CREBBP: variants seen among roughly 807,000 people sequenced by gnomAD.
The protein encoded by CREBBP is CREB-binding protein.
CREBBP carries 19 observed loss-of-function variants against 265.0 expected under a neutral mutation model. That is an observed-to-expected ratio of 0.07 (90% CI 0.05 to 0.11). The LOEUF (loss-of-function observed/expected upper bound fraction) is 0.11. Ranked by LOEUF, CREBBP falls within the 10% of genes least tolerant of loss-of-function variation. The pLI is 1.00. For missense variants in CREBBP, 2,525 were observed against 3,219.0 expected (o/e 0.78, Z 5.22); for synonymous variants, 1,457 against 1,223.7 (o/e 1.19, Z -3.98).
chr16:3,816,649 G>T (rs933991219), intron 2 of CREBBP, among the ~76,000 whole-genome samples: 8 of 152,180 alleles, frequency 5.3e-5, no homozygotes, highest in Admixed American at 4.6e-4. Context: ...ATCTACTCCA[G>T]CAGACATGGG....
At chr16:3,809,791 T>C (rs1268235884) in intron 3 of CREBBP, among the ~76,000 whole-genome samples, 2 of 152,110 alleles carry the variant, frequency 1.3e-5, no homozygotes, top group Non-Finnish European at 2.9e-5. Flanking sequence ...AAAGCAACTT[T>C]TTCTGAACAT....
intron 1 of CREBBP, among the ~76,000 whole-genome samples, chr16:3,855,508 G>A (rs902725466): frequency 2.6e-5 from 4 of 152,218 alleles, no homozygotes; most frequent in African/African-American, 9.6e-5. Context: ...CAGGTGATCC[G>A]CCCGCCTAAG....
chr16:3,747,779 G>A (rs1050845723), intron 21 of CREBBP, among the ~76,000 whole-genome samples: 13 of 152,052 alleles, frequency 8.5e-5, no homozygotes, highest in Non-Finnish European at 1.9e-4. Context: ...TGGTCAAGAT[G>A]GTGAAACCTC....
chr16:3,860,652 A>G (rs2055053982), intron 1 of CREBBP, among the ~76,000 whole-genome samples: 1 of 152,184 alleles, frequency 6.6e-6, no homozygotes, highest in South Asian at 2.1e-4. Flanking sequence ...TACAATTTTT[A>G]TTTGTTAATT....
At chr16:3,813,638 G>C (rs1327771895) in intron 2 of CREBBP, among the ~76,000 whole-genome samples, 3 of 152,008 alleles carry the variant, frequency 2.0e-5, no homozygotes, top group Non-Finnish European at 2.9e-5. Context: ...TCTGACTTCG[G>C]ACAAAATATG....
intron 2 of CREBBP, among the ~76,000 whole-genome samples, chr16:3,844,602 A>G (rs1443645627): frequency 1.3e-5 from 2 of 152,230 alleles, no homozygotes; most frequent in South Asian, 2.1e-4. Context: ...GTAGGATACG[A>G]GACAGGGATG....
intron 13 of CREBBP, among the ~76,000 whole-genome samples, chr16:3,771,595 G>A (rs2053010152): frequency 6.6e-6 from 1 of 151,870 alleles, no homozygotes; most frequent in Non-Finnish European, 1.5e-5. Context: ...CCCAGTCTTG[G>A]AACGCCTGAA....
intron 2 of CREBBP, among the ~76,000 whole-genome samples, chr16:3,833,016 T>C (rs1298871177): frequency 6.6e-6 from 1 of 152,226 alleles, no homozygotes. Flanking sequence ...TAATGAATGA[T>C]ACCTAAAGCC....
intron 1 of CREBBP, among the ~76,000 whole-genome samples, chr16:3,871,051 G>GAA (rs1032177504): frequency 7.4e-6 from 1 of 135,976 alleles, no homozygotes; most frequent in African/African-American, 2.8e-5. Context: ...AAGAAAGAAA[G>GAA]AGAAAAAAAG....
chr16:3,852,770 A>G (rs2054879212), intron 1 of CREBBP, among the ~76,000 whole-genome samples: 1 of 152,178 alleles, frequency 6.6e-6, no homozygotes, highest in Non-Finnish European at 1.5e-5. Context: ...CTTTCCTGAT[A>G]AGGAAACAAA....
chr16:3,760,102 T>A (rs950678192), intron 16 of CREBBP, among the ~76,000 whole-genome samples: 2 of 152,182 alleles, frequency 1.3e-5, no homozygotes, highest in Non-Finnish European at 2.9e-5. Context: ...AATTAAATTA[T>A]TATTTTTGAG....
intron 2 of CREBBP, among the ~76,000 whole-genome samples, chr16:3,839,341 C>T (rs1597033233): frequency 6.6e-6 from 1 of 152,230 alleles, no homozygotes; most frequent in East Asian, 1.9e-4. Context: ...CGTGTCAATC[C>T]ATTTAATATA....
intron 13 of CREBBP, among the ~76,000 whole-genome samples, chr16:3,772,705 G>A (rs1421340860): frequency 1.3e-5 from 2 of 152,042 alleles, no homozygotes; most frequent in African/African-American, 4.8e-5. Context: ...GTTATGGAAA[G>A]TTAAGAATAA....
At chr16:3,778,555 G>T in intron 9 of CREBBP, 145 bp downstream of exon 9, 2 of 757,610 alleles carry the variant, frequency 2.6e-6, no homozygotes, top group Non-Finnish European at 4.8e-6. Context: ...GTCTTATCTG[G>T]GAAGTCTCCT....
chr16:3,778,585 GA>G, intron 9 of CREBBP, 114 bp downstream of exon 9: 1 of 913,132 alleles, frequency 1.1e-6, no homozygotes, highest in Non-Finnish European at 1.8e-6. Context: ...GCCTCAAGGG[GA>G]GGAGTCTGTC....
At chr16:3,821,396 C>T (rs955974542) in intron 2 of CREBBP, among the ~76,000 whole-genome samples, 1 of 152,190 alleles carries the variant, frequency 6.6e-6, no homozygotes, top group African/African-American at 2.4e-5. Flanking sequence ...GCAGCCTTTC[C>T]AGGAGACTGG....
intron 1 of CREBBP, among the ~76,000 whole-genome samples, chr16:3,872,668 C>T (rs972048453): frequency 1.3e-5 from 2 of 152,216 alleles, no homozygotes; most frequent in African/African-American, 4.8e-5. Context: ...AAGCAGACGG[C>T]ACGGCCAGGA....
At chr16:3,843,096 A>G (rs1004642401) in intron 2 of CREBBP, among the ~76,000 whole-genome samples, 2 of 152,260 alleles carry the variant, frequency 1.3e-5, no homozygotes, top group Admixed American at 1.3e-4. Flanking sequence ...GATTAGATGA[A>G]AAGAATTTTC....
chr16:3,728,423 T>TTGCTGCTGCTGC lies in CREBBP; in HGVS notation c.6623_6624insGCAGCAGCAGCA (p.Gln2213_Gln2216dup), dbSNP rs2051809978. ...CTTGCTGCTGCTGCTGTTGCTGCTG[T>TTGCTGCTGCTGC]TGTTGCTGCTGCTGTTGCTGCTGCT... On this transcript the variant is annotated inframe_insertion, in exon 31 of 31. Transcript: ENST00000262367. This position sits in a 1 kb window ranked among gnomAD's most constrained non-coding sequence, Gnocchi z 8.7. The TTGCTGCTGCTGC allele has an allele frequency of 6.2e-7, 1 of 1,612,422 alleles. No individual in the cohort carries two copies. The highest frequency in any genetic ancestry group is 1.3e-5 in the African/African-American group (1 of 74,802).
Sources: allele counts gnomAD v4.1 joint callset (sites outside exome capture counted in the v4.1 genomes callset), GRCh38; gene constraint gnomAD v4.1.1; non-coding constraint Gnocchi (gnomAD v3.1); transcripts MANE v1.5; gene names NCBI Gene and HGNC (gene_info 2026-07-23, HGNC 2026-07-21).